ASIC2: variants seen among roughly 807,000 people sequenced by gnomAD.
The protein encoded by ASIC2 is acid-sensing ion channel 2.
In ASIC2, 25 loss-of-function variants were observed where a neutral mutation model predicts 57.3. The ratio of observed to expected loss-of-function variants is 0.44; its 90% CI spans 0.32 to 0.61. The LOEUF (loss-of-function observed/expected upper bound fraction) is 0.61. Ranked by LOEUF, ASIC2 falls within the 20% of genes least tolerant of loss-of-function variation. The probability of loss-of-function intolerance (pLI) is 0.06; values close to 1 mark genes in which losing one functional copy is unlikely to be tolerated. For synonymous variants in ASIC2, 319 were observed against 307.5 expected, an observed-to-expected ratio of 1.04 and a Z score of -0.39; for missense variants, 641 against 738.1, an observed-to-expected ratio of 0.87 and a Z score of 1.52.
At chr17:33,286,244 C>T (rs1045304797) in intron 1 of ASIC2, among the ~76,000 whole-genome samples, 15 of 152,332 alleles carry the variant, frequency 9.8e-5, no homozygotes, top group Non-Finnish European at 1.9e-4. Context: ...GCTTTCAGTA[C>T]ATATGAGTGG....
intron 1 of ASIC2, chr17:34,080,780 A>G (rs1909848597): frequency 6.6e-6 from 1 of 152,254 alleles, no homozygotes; most frequent in Non-Finnish European, 1.5e-5. Flanking sequence ...GTCCTGCCCA[A>G]TATCATTGAA....
Position 33,293,053 on chromosome 17 carries a change from C to T in ASIC2, c.-938G>A. ...CGTCTTCTCTCTGCCCCCGCGGCGA[C>T]AAGAGCTGGGGACTGCGGGGACCCG... On this transcript the variant is annotated 5_prime_UTR_variant, in exon 1 of 10. Coordinates refer to ENST00000225823, the MANE Select transcript of ASIC2 (RefSeq NM_183377.2). 1 of 985,398 alleles carries T rather than the reference C, an allele frequency of 1.0e-6. No individual in the cohort carries two copies. The allele number at this position is 985,398 out of a possible 1,614,324, so 61.0% of individuals were successfully genotyped here.
At chr17:33,579,461 T>G (rs1254063394) in intron 1 of ASIC2, among the ~76,000 whole-genome samples, 1 of 152,076 alleles carries the variant, frequency 6.6e-6, no homozygotes. Flanking sequence ...ATCCAGTTTA[T>G]TCATTCAACA....
chr17:33,286,135 A>G (rs1905168810), intron 1 of ASIC2, among the ~76,000 whole-genome samples: 1 of 152,252 alleles, frequency 6.6e-6, no homozygotes, highest in Non-Finnish European at 1.5e-5. Context: ...GATTTTAAAC[A>G]ATATGTTGCT....
intron 1 of ASIC2, among the ~76,000 whole-genome samples, chr17:33,160,324 A>G (rs1413510147): frequency 1.3e-5 from 2 of 152,230 alleles, no homozygotes; most frequent in African/African-American, 4.8e-5. Context: ...CTCTCAGGGC[A>G]TTATTATGCC....
At chr17:33,896,604 C>G (rs149900426) in intron 1 of ASIC2, among the ~76,000 whole-genome samples, 6 of 152,318 alleles carry the variant, frequency 3.9e-5, no homozygotes, top group Admixed American at 3.3e-4. Context: ...TGGCCTGGCT[C>G]CTATCGGGGG....
At chr17:33,239,038 A>T (rs1908403085) in intron 1 of ASIC2, among the ~76,000 whole-genome samples, 1 of 151,872 alleles carries the variant, frequency 6.6e-6, no homozygotes, top group Non-Finnish European at 1.5e-5. Flanking sequence ...AAAAAGTCTT[A>T]GTCCCAGCAC....
chr17:33,760,520 ATG>A lies in ASIC2; in HGVS notation c.555+395456_555+395457del, dbSNP rs141652333. On this transcript the variant is annotated intron_variant, in intron 1 of 9. Transcript: ENST00000359872. Reference sequence around the variant, plus strand: ...GATATGCATATATATAAAGCTATATATGTGTGTGTGTGTGTGCCATAGATTTA... The same window carrying A: ...GATATGCATATATATAAAGCTATATATGTGTGTGTGTGTGCCATAGATTTA... Among the ~76,000 whole-genome samples, 154 of 150,778 alleles carry A rather than the reference ATG, an allele frequency of 1.0e-3. 1 individual carries two copies. Among genetic ancestry groups the A allele is most frequent in the East Asian group, 4.3e-3 (22 of 5,136 alleles).
chr17:33,677,137 G>C (rs560535951), intron 1 of ASIC2, among the ~76,000 whole-genome samples: 11 of 145,938 alleles, frequency 7.5e-5, no homozygotes, highest in African/African-American at 2.8e-4. Flanking sequence ...TGGTAGCAAT[G>C]CAAGAACAGC....
intron 1 of ASIC2, among the ~76,000 whole-genome samples, chr17:33,949,661 G>T (rs891438889): frequency 2.0e-5 from 3 of 152,056 alleles, no homozygotes; most frequent in African/African-American, 7.2e-5. Flanking sequence ...AGGCCTGCTT[G>T]CCAGACTAAT....
intron 1 of ASIC2, among the ~76,000 whole-genome samples, chr17:33,374,343 C>T (rs1298483101): frequency 1.3e-5 from 2 of 152,086 alleles, no homozygotes; most frequent in East Asian, 1.9e-4. Flanking sequence ...AACTGTCTGA[C>T]CTCATCTAGA....
At chr17:33,675,541 T>A (rs923623182) in intron 1 of ASIC2, among the ~76,000 whole-genome samples, 1 of 152,036 alleles carries the variant, frequency 6.6e-6, no homozygotes, top group Non-Finnish European at 1.5e-5. Context: ...TTTGCTTGCT[T>A]GGGTTTATAG....
At chr17:33,862,163 C>T (rs1914118489) in intron 1 of ASIC2, among the ~76,000 whole-genome samples, 1 of 152,232 alleles carries the variant, frequency 6.6e-6, no homozygotes, top group African/African-American at 2.4e-5. Context: ...AGCTAACATG[C>T]AGCCTCTTCG....
intron 1 of ASIC2, among the ~76,000 whole-genome samples, chr17:33,412,656 T>A (rs1022124175): frequency 3.9e-5 from 6 of 152,188 alleles, no homozygotes; most frequent in Admixed American, 3.9e-4. Context: ...TTGGGCTGGA[T>A]ATATGCCTAT....
chr17:33,446,620 C>T (rs768407507), intron 1 of ASIC2, among the ~76,000 whole-genome samples: 22 of 152,114 alleles, frequency 1.4e-4, no homozygotes, highest in Admixed American at 6.5e-4. Context: ...AAAGTAGTGA[C>T]GTTCTGTTTA....
intron 1 of ASIC2, among the ~76,000 whole-genome samples, chr17:34,106,042 A>C (rs2142105242): frequency 6.6e-6 from 1 of 152,196 alleles, no homozygotes; most frequent in Non-Finnish European, 1.5e-5. Flanking sequence ...TTAGCCTTAA[A>C]TAGTCTCGAA....
At chr17:33,948,679 G>A (rs1904463226) in intron 1 of ASIC2, among the ~76,000 whole-genome samples, 1 of 152,230 alleles carries the variant, frequency 6.6e-6, no homozygotes, top group Non-Finnish European at 1.5e-5. Context: ...AGTAGCTGTG[G>A]ACTTCGGCAA....
chr17:33,983,808 G>A (rs905686858), intron 1 of ASIC2, among the ~76,000 whole-genome samples: 3 of 152,142 alleles, frequency 2.0e-5, no homozygotes, highest in Admixed American at 6.5e-5. Flanking sequence ...GTTACCACCT[G>A]GGGATTTTGC....
At chr17:33,947,249 C>T (rs1904407625) in intron 1 of ASIC2, among the ~76,000 whole-genome samples, 1 of 152,290 alleles carries the variant, frequency 6.6e-6, no homozygotes, top group African/African-American at 2.4e-5. Flanking sequence ...GTCTCCCCTC[C>T]CTCTAGGCAT....
Sources: gnomAD v4.1 joint callset for allele counts (sites outside exome capture counted in the v4.1 genomes callset) on GRCh38, gnomAD v4.1.1 for gene constraint, MANE v1.5 for transcripts, NCBI Gene and HGNC (gene_info 2026-07-23, HGNC 2026-07-21) for gene names.